ZKSCAN5: variants seen among roughly 807,000 people sequenced by gnomAD.
ZKSCAN5 encodes the protein zinc finger with KRAB and SCAN domains 5, also known as zinc finger protein with KRAB and SCAN domains 5.
A neutral mutation model predicts 60.0 loss-of-function variants in ZKSCAN5; 28 were observed. The ratio of observed to expected loss-of-function variants is 0.47; its 90% CI spans 0.35 to 0.64. The LOEUF (loss-of-function observed/expected upper bound fraction) is 0.64. ZKSCAN5 is among the 30% of genes least tolerant of loss of function. ZKSCAN5 has a pLI of 0.01. For synonymous variants in ZKSCAN5, 361 were observed against 371.2 expected (o/e 0.97, Z 0.31); for missense variants, 881 against 1,034.6 (o/e 0.85, Z 2.04).
At position 99,506,088 on chromosome 7, in the gene ZKSCAN5, C is replaced by A; in HGVS notation, c.44C>A (p.Pro15Gln). Residue 15 changes from proline to glutamine, a missense_variant, in exon 2 of 7, where the codon CCA (proline) becomes CAA (glutamine). Coordinates refer to ENST00000326775, the MANE Select transcript of ZKSCAN5 (RefSeq NM_145102.4). Reference protein sequence around the residue: ...ESREVIDLDPPAETSQEQEDL... With the variant: ...ESREVIDLDPQAETSQEQEDL... ...CGAGAAGTTATAGACTTAGACCCCCCAGCTGAGACTTCCCAGGAGCAGGAA... is the reference window on the plus strand; with the variant it reads ...CGAGAAGTTATAGACTTAGACCCCCAAGCTGAGACTTCCCAGGAGCAGGAA... 6.2e-7 allele frequency: 1 copy of A among 1,614,094 alleles called. No individual in the cohort carries two copies. Among genetic ancestry groups the A allele is most frequent in the Non-Finnish European group, 8.5e-7 (1 of 1,180,008 alleles).
chr7:99,514,186 A>G (rs1039299289), intron 3 of ZKSCAN5, among the ~76,000 whole-genome samples: 8 of 152,210 alleles, frequency 5.3e-5, no homozygotes, highest in African/African-American at 1.9e-4. Context: ...GACTCACAAG[A>G]TAAGAATGCC....
intron 5 of ZKSCAN5, among the ~76,000 whole-genome samples, chr7:99,523,471 A>G (rs1203301451): frequency 6.6e-6 from 1 of 152,172 alleles, no homozygotes; most frequent in Non-Finnish European, 1.5e-5. Context: ...ATATACAAAA[A>G]TTAGCTAGGC....
rs150843745 is a variant in ZKSCAN5 at position 99,523,419 on chromosome 7, C to T, written c.773-2394C>T. ...GGAGGATCACTTGAGGCCAGGAGTT[C>T]GAGACCAGCCTGGGCAACATAGTGA... is the stretch of plus-strand genomic sequence containing the variant. On this transcript the variant is annotated intron_variant, in intron 5 of 6. Transcript: ENST00000326775. Among the ~76,000 whole-genome samples the T allele has an allele frequency of 2.2e-3, 341 of 151,896 alleles. 4 individuals carry two copies. The East Asian group carries it at 0.044, about 20-fold the overall frequency.
intron 2 of ZKSCAN5, among the ~76,000 whole-genome samples, chr7:99,508,236 T>C (rs1250347187): frequency 1.3e-5 from 2 of 150,832 alleles, no homozygotes; most frequent in African/African-American, 4.9e-5. Flanking sequence ...GAGTCGGAGG[T>C]TGCAGTGAGC....
rs776429866 is a variant in ZKSCAN5, at chr7:99,506,072, A to G, written c.28A>G (p.Ile10Val). The G allele has an allele frequency of 1.2e-6, 2 of 1,614,134 alleles. No homozygotes were observed. The highest frequency in any genetic ancestry group is 1.7e-5 in the Admixed American group (1 of 59,988). The change falls in exon 2 of 7, where the codon ATA becomes GTA. Residue 10 changes from isoleucine to valine, a missense_variant. By Grantham distance (29) the Ile-to-Val change is conservative. This residue lies in a region of ZKSCAN5 where 88 missense variants were observed against 65.2 expected (regional missense o/e 1.35). Transcript: ENST00000326775. ...GATAATGACCGAATCCCGAGAAGTT[A>G]TAGACTTAGACCCCCCAGCTGAGAC... MIMTESREV[I>V]DLDPPAETSQ...
rs936422014 is a variant in ZKSCAN5, at chr7:99,532,513, G to A, written c.*264G>A. ...AGAGAATCCATGGATGGACATGGTCGAGGAATTCGGAAAGCCTGCAGTTGA... is the reference window on the plus strand; with the variant it reads ...AGAGAATCCATGGATGGACATGGTCAAGGAATTCGGAAAGCCTGCAGTTGA... On this transcript the variant is annotated 3_prime_UTR_variant, in exon 7 of 7. Transcript: ENST00000326775. 6 of 327,566 alleles carry A rather than the reference G, an allele frequency of 1.8e-5. No individual in the cohort carries two copies. The highest frequency in any genetic ancestry group is 3.3e-5 in the Non-Finnish European group (6 of 181,238). The allele number at this position is 327,566 out of a possible 1,614,324, so 20.3% of individuals were successfully genotyped here.
intron 6 of ZKSCAN5, among the ~76,000 whole-genome samples, chr7:99,530,189 A>G (rs1470658472): frequency 3.3e-5 from 5 of 151,758 alleles, no homozygotes; most frequent in Non-Finnish European, 7.4e-5. Flanking sequence ...GCCCGCCACC[A>G]TGCCCAGCTA....
At chr7:99,508,815 C>CTTTTT (rs1411652129) in intron 2 of ZKSCAN5, among the ~76,000 whole-genome samples, 2 of 126,748 alleles carry the variant, frequency 1.6e-5, no homozygotes, top group Admixed American at 7.9e-5. Flanking sequence ...TTCTTTCTTT[C>CTTTTT]TTTTTTTTTT....
rs1351822202 is a variant in ZKSCAN5, at chr7:99,507,523, G to GTATATATATGTATATATGTATA, written c.414+1070_414+1071insATATGTATATATGTATATATAT. Among the ~76,000 whole-genome samples, 5 of 133,800 alleles carry GTATATATATGTATATATGTATA rather than the reference G, an allele frequency of 3.7e-5. No individual in the cohort carries two copies. In the South Asian group the frequency reaches 6.8e-4, roughly 18 times the overall value. The allele number at this position is 133,800 out of a possible 152,430, so 87.8% of individuals were successfully genotyped here. A position where few individuals can be genotyped will look rare whatever the true frequency, so the allele number is the denominator to read the frequency against. On this transcript the variant is annotated intron_variant, in intron 2 of 6. Transcript: ENST00000326775. ...TGTGTATATATATGTGTGTATATAT[G>GTATATATATGTATATATGTATA]TATATGTGTATATATATATGTATAT...
Position 99,531,334 on chromosome 7 carries a change from C to T in ZKSCAN5, c.1605C>T (p.Val535=). The T allele has an allele frequency of 6.2e-7, 1 of 1,614,082 alleles. No individual in the cohort carries two copies. Among genetic ancestry groups the T allele is most frequent in the Non-Finnish European group, 8.5e-7 (1 of 1,180,024 alleles). The change falls in exon 7 of 7, where the codon GTC becomes GTT. Residue 535 remains valine, a synonymous_variant. Coordinates refer to ENST00000326775, the MANE Select transcript of ZKSCAN5 (RefSeq NM_145102.4). ...PSSKRMNYSE[V]PYVHKKSSTG... is the part of the protein sequence containing the mutation. ...CAAAGAGGATGAACTACAGTGAAGT[C>T]CCATATGTCCACAAAAAATCCTCCA...
Position 99,531,637 on chromosome 7 carries a change from C to T in ZKSCAN5, c.1908C>T (p.Asn636=), listed in dbSNP as rs370450950. The T allele has an allele frequency of 8.7e-6, 14 of 1,613,992 alleles. No homozygotes were observed. Among genetic ancestry groups the T allele is most frequent in the South Asian group, 5.5e-5 (5 of 91,076 alleles). ...GTGGGGAGAGACCCTTCAAGTGTAA[C>T]GAATGTGGGAAAGGCTTTGGGAGGC... The part of the protein sequence containing the change: ...VHSGERPFKC[N]ECGKGFGRRS... Residue 636 remains asparagine, a synonymous_variant, in exon 7 of 7, where the codon AAC becomes AAT. Coordinates refer to ENST00000326775, the MANE Select transcript of ZKSCAN5 (RefSeq NM_145102.4).
chr7:99,526,467 A>T (rs186455916), intron 6 of ZKSCAN5, 49 bp downstream of exon 6: 2 of 1,561,576 alleles, frequency 1.3e-6, no homozygotes, highest in Non-Finnish European at 1.7e-6. Context: ...GCGAAAAGCA[A>T]AAGGTGTTTT....
In ZKSCAN5 at chr7:99,520,302, T is replaced by C; in HGVS notation, c.770T>C (p.Met257Thr). Residue 257 changes from methionine to threonine, a missense_variant and splice_region_variant, in exon 5 of 7, where the codon ATG becomes ACG. Met to Thr is a moderately conservative substitution (Grantham distance 81). Transcript: ENST00000326775. ...RKENYGSITS[M>T]GYESRDNMEL... is the part of the protein sequence containing the mutation. ...GAGAACTATGGGAGTATTACTTCCA[T>C]GGGTAAGGATTATTTCATCTGCATG... 1 of 1,611,048 alleles carries C rather than the reference T, an allele frequency of 6.2e-7. No homozygotes were observed. The highest frequency in any genetic ancestry group is 8.5e-7 in the Non-Finnish European group (1 of 1,179,168).
chr7:99,510,452 A>T (rs910416153), intron 2 of ZKSCAN5, among the ~76,000 whole-genome samples: 14 of 150,132 alleles, frequency 9.3e-5, no homozygotes, highest in African/African-American at 2.9e-4. Flanking sequence ...TTAATTTAAT[A>T]TTTTTTTTTG....
rs565044038 is a variant in ZKSCAN5 at position 99,505,937 on chromosome 7, C to A, written c.-40-68C>A. ...TTGCTAATAATGATGCCCAATACAT[C>A]AGTAGGTTGCATGCTACTGAAAGTG... On this transcript the variant is annotated intron_variant, in intron 1 of 6. Transcript: ENST00000326775. 7.1e-5 allele frequency: 94 copies of A among 1,329,714 alleles called. No individual in the cohort carries two copies. The African/African-American group carries it at 1.3e-3, about 18-fold the overall frequency. 82.4% of individuals were successfully genotyped at this position (1,329,714 alleles called of 1,614,324 possible). A position where few individuals can be genotyped will look rare whatever the true frequency, so the allele number is the denominator to read the frequency against.
intron 6 of ZKSCAN5, among the ~76,000 whole-genome samples, chr7:99,528,488 G>A (rs1469446772): frequency 8.6e-5 from 13 of 151,950 alleles, no homozygotes; most frequent in Admixed American, 7.9e-4. Flanking sequence ...GTAAAGTAGC[G>A]GGATCTCAGC....
In ZKSCAN5 at chr7:99,517,298, G is replaced by C. The variant is rs371200389; in HGVS notation, c.554-2529G>C. ...AGGCTGGTCTTGTACTCCCAGCCTC[G>C]GGTGATCCACCCTCATCAGCCTCCC... On this transcript the variant is annotated intron_variant, in intron 3 of 6. Coordinates refer to ENST00000326775, the MANE Select transcript of ZKSCAN5 (RefSeq NM_145102.4). Among the ~76,000 whole-genome samples, 7 of 152,122 alleles carry C rather than the reference G, an allele frequency of 4.6e-5. No homozygotes were observed. The South Asian group carries it at 1.5e-3, about 32-fold the overall frequency.
chr7:99,520,052 C>G, intron 4 of ZKSCAN5, 117 bp from the exon 5 acceptor site: 1 of 1,506,988 alleles, frequency 6.6e-7, no homozygotes, highest in Middle Eastern at 1.7e-4. Flanking sequence ...AGTCCTTCCC[C>G]ATCCTCTTTG....
chr7:99,512,398 T>A, intron 2 of ZKSCAN5, 55 bp from the exon 3 acceptor site: 2 of 1,561,286 alleles, frequency 1.3e-6, no homozygotes, highest in Non-Finnish European at 1.7e-6. Flanking sequence ...TTCTACTGAT[T>A]TCTTTCGTGG....
Sources: gnomAD v4.1 joint callset for allele counts (sites outside exome capture counted in the v4.1 genomes callset) on GRCh38, gnomAD v4.1.1 for gene constraint, gnomAD v4.1.1 regional missense constraint, MANE v1.5 for transcripts, NCBI Gene and HGNC (gene_info 2026-07-23, HGNC 2026-07-21) for gene names.